Variants in DIAPH2 observed in about 807,000 individuals in gnomAD.
DIAPH2 encodes the protein diaphanous related formin 2, also known as protein diaphanous homolog 2.
A neutral mutation model predicts 92.7 loss-of-function variants in DIAPH2; 35 were observed. The observed-to-expected ratio is 0.38, with a 90% CI of 0.29 to 0.50. DIAPH2 has a LOEUF of 0.50. DIAPH2 is among the 20% of genes least tolerant of loss of function. DIAPH2 has a pLI of 0.94. For synonymous variants in DIAPH2, 301 were observed against 280.4 expected, an observed-to-expected ratio of 1.07 and a Z score of -0.73; for missense variants, 701 against 819.5, an observed-to-expected ratio of 0.86 and a Z score of 1.77.
At chrX:97,120,765 AGCCTCATCTAGAG>A (rs1315180778) in intron 21 of DIAPH2, among the ~76,000 whole-genome samples, 2 of 109,618 alleles carry the variant, frequency 1.8e-5, no homozygotes, top group African/African-American at 6.6e-5. Flanking sequence ...TAACATGTAA[AGCCTCATCTAGAG>A]GCCATTACAT....
chrX:97,194,452 C>CT (rs1157837903), intron 22 of DIAPH2, among the ~76,000 whole-genome samples: 4 of 109,653 alleles, frequency 3.6e-5, no homozygotes, highest in African/African-American at 3.3e-5. Flanking sequence ...CGGCTAATTT[C>CT]TTTTTGTATT....
At chrX:97,384,122 G>A (rs1364606735) in intron 25 of DIAPH2, 78 bp downstream of exon 25, 1 of 891,345 alleles carries the variant, frequency 1.1e-6, no homozygotes, top group African/African-American at 2.0e-5. Context: ...GGATTATAAA[G>A]TAAATTTTCA....
At chrX:97,125,471 CAAAAAAAAAAAAA>C (rs1159049051) in intron 21 of DIAPH2, among the ~76,000 whole-genome samples, 9 of 19,206 alleles carry the variant, frequency 4.7e-4, no homozygotes, top group Non-Finnish European at 5.9e-4. Context: ...GACTCCGTCT[CAAAAAAAAAAAAA>C]AAAAAAAAAA....
intron 26 of DIAPH2, among the ~76,000 whole-genome samples, chrX:97,519,348 C>A (rs1328575699): frequency 9.0e-6 from 1 of 110,969 alleles, no homozygotes; most frequent in East Asian, 2.8e-4. Context: ...ACATCTGTTT[C>A]AAAAAAAATT....
At chrX:96,941,354 A>G in intron 12 of DIAPH2, among the ~76,000 whole-genome samples, 1 of 112,255 alleles carries the variant, frequency 8.9e-6, no homozygotes, top group East Asian at 2.8e-4. Context: ...GGTCATTTTT[A>G]AGGCCAGAAT....
At chrX:97,578,775 A>C (rs1202525016) in intron 26 of DIAPH2, among the ~76,000 whole-genome samples, 10 of 32,297 alleles carry the variant, frequency 3.1e-4, no homozygotes, top group African/African-American at 7.1e-4. Flanking sequence ...GAACTAGTTT[A>C]CAGTCCCACC....
intron 23 of DIAPH2, among the ~76,000 whole-genome samples, chrX:97,251,086 A>G (rs1371729719): frequency 8.9e-6 from 1 of 112,041 alleles, no homozygotes; most frequent in Non-Finnish European, 1.9e-5. Context: ...GTTCTGACTC[A>G]GAAAAAATTA....
intron 4 of DIAPH2, among the ~76,000 whole-genome samples, chrX:96,854,074 T>G: frequency 8.9e-6 from 1 of 111,791 alleles, no homozygotes; most frequent in Non-Finnish European, 1.9e-5. Context: ...ACGTGATGTA[T>G]GAAAATTTGA....
chrX:97,102,463 C>A (rs2066912383), intron 20 of DIAPH2, among the ~76,000 whole-genome samples: 1 of 111,745 alleles, frequency 8.9e-6, no homozygotes. Context: ...CTCTGTCAAG[C>A]CTCAGAAAAA....
chrX:96,762,189 A>G (rs1304334272), intron 4 of DIAPH2, among the ~76,000 whole-genome samples: 1 of 111,520 alleles, frequency 9.0e-6, no homozygotes, highest in Non-Finnish European at 1.9e-5. Flanking sequence ...GAATCTGATA[A>G]CAGTGATTTG....
At chrX:97,105,417 G>C (rs191778730) in intron 20 of DIAPH2, among the ~76,000 whole-genome samples, 2 of 111,792 alleles carry the variant, frequency 1.8e-5, no homozygotes. Flanking sequence ...CAATAATCTT[G>C]TTTAGGGGGT....
chrX:96,824,096 A>G (rs1024316921), intron 4 of DIAPH2, among the ~76,000 whole-genome samples: 23 of 110,914 alleles, frequency 2.1e-4, no homozygotes, highest in Middle Eastern at 4.7e-3. Flanking sequence ...AGGACATCAT[A>G]TTAGTAATTT....
intron 22 of DIAPH2, among the ~76,000 whole-genome samples, chrX:97,182,955 G>A (rs747809712): frequency 1.8e-5 from 2 of 110,640 alleles, no homozygotes; most frequent in Non-Finnish European, 3.8e-5. Context: ...AGATCACTAG[G>A]GCAGAGAGTA....
At chrX:96,768,112 T>C (rs2064315652) in intron 4 of DIAPH2, among the ~76,000 whole-genome samples, 1 of 112,323 alleles carries the variant, frequency 8.9e-6, no homozygotes, top group Admixed American at 9.4e-5. Flanking sequence ...GCTAAAATGA[T>C]TGATTTTATT....
chrX:97,401,597 T>C (rs2069758006), intron 25 of DIAPH2, among the ~76,000 whole-genome samples: 1 of 111,797 alleles, frequency 8.9e-6, no homozygotes, highest in Non-Finnish European at 1.9e-5. Flanking sequence ...ATTCTTGCCA[T>C]GCTGCAGCTT....
intron 22 of DIAPH2, among the ~76,000 whole-genome samples, chrX:97,148,207 C>G (rs934898679): frequency 1.3e-4 from 15 of 111,525 alleles, no homozygotes; most frequent in Admixed American, 1.3e-3. Flanking sequence ...ATTTGGAGAC[C>G]TTGTTTAGAG....
At chrX:97,575,540 T>C (rs1363904997) in intron 26 of DIAPH2, among the ~76,000 whole-genome samples, 1 of 112,167 alleles carries the variant, frequency 8.9e-6, no homozygotes, top group Non-Finnish European at 1.9e-5. Context: ...AGAGATCCAA[T>C]ATATGAATTA....
chrX:96,751,365 A>G (rs1454594281), intron 3 of DIAPH2, among the ~76,000 whole-genome samples: 1 of 108,712 alleles, frequency 9.2e-6, no homozygotes, highest in Non-Finnish European at 1.9e-5. Context: ...TCACGAGGTC[A>G]GGAGATCGAG....
At chrX:97,566,886 T>C (rs772434223) in intron 26 of DIAPH2, among the ~76,000 whole-genome samples, 88 of 111,392 alleles carry the variant, frequency 7.9e-4, no homozygotes, top group Non-Finnish European at 1.5e-3. Flanking sequence ...CACAAAAGAG[T>C]ATATAAACGC....
Sources: allele counts gnomAD v4.1 joint callset (sites outside exome capture counted in the v4.1 genomes callset), GRCh38; gene constraint gnomAD v4.1.1; transcripts MANE v1.5; gene names NCBI Gene and HGNC (gene_info 2026-07-23, HGNC 2026-07-21).